Variants in APOBEC3C observed in about 807,000 individuals in gnomAD.
The protein encoded by APOBEC3C is DNA dC->dU-editing enzyme APOBEC-3C.
In APOBEC3C, 14 loss-of-function variants were observed where a neutral mutation model predicts 20.6. The ratio of observed to expected loss-of-function variants is 0.68; its 90% confidence interval spans 0.45 to 1.06. The LOEUF (loss-of-function observed/expected upper bound fraction) is 1.06. Among genes scored for constraint, APOBEC3C ranks in the 50% least tolerant of loss-of-function variants. The pLI is 0.00. For missense variants in APOBEC3C, 244 were observed against 241.9 expected (o/e 1.01, Z -0.06); for synonymous variants, 98 against 88.8 (o/e 1.10, Z -0.58).
chr22:39,015,858 T>C, intron 2 of APOBEC3C, 107 bp downstream of exon 2: 1 of 1,133,826 alleles, frequency 8.8e-7, no homozygotes, highest in Non-Finnish European at 1.2e-6. Flanking sequence ...TGTGTGCACT[T>C]TCCTGCCACA....
intron 2 of APOBEC3C, among the ~76,000 whole-genome samples, chr22:39,016,364 T>C (rs1302976495): frequency 1.4e-5 from 2 of 140,882 alleles, no homozygotes; most frequent in Admixed American, 7.5e-5. Flanking sequence ...CATGCCCAGC[T>C]AATTTTTTCT....
At chr22:39,015,460 A>G in intron 1 of APOBEC3C, 135 bp from the exon 2 acceptor site, 1 of 1,014,606 alleles carries the variant, frequency 9.9e-7, no homozygotes, top group Non-Finnish European at 1.4e-6. Context: ...AAAGCAGCAG[A>G]CATTCTCAGG....
Position 39,019,702 on chromosome 22 carries a change from CCTTCTGG to C in APOBEC3C, c.*1318_*1324del, listed in dbSNP as rs957033970. On this transcript the variant is annotated 3_prime_UTR_variant, in exon 4 of 4. Coordinates refer to ENST00000361441, the MANE Select transcript of APOBEC3C (RefSeq NM_014508.3). The stretch of plus-strand genomic sequence containing the variant: ...TGGGGTTGTTTCCTCTGAGGCCGCT[CCTTCTGG>C]CTGGCAGGGAGTCTCTTCCAGCCGT... 1.3e-5 allele frequency: 2 copies of C among 151,714 alleles called. No homozygotes were observed. Among genetic ancestry groups the C allele is most frequent in the Non-Finnish European group, 2.9e-5 (2 of 68,002 alleles). 9.4% of individuals were successfully genotyped at this position (151,714 alleles called of 1,614,324 possible). A position where few individuals can be genotyped will look rare whatever the true frequency, so the allele number is the denominator to read the frequency against.
Position 39,018,786 on chromosome 22 carries a change from A to G in APOBEC3C, c.*399A>G, listed in dbSNP as rs1424369350. ...CGCGTGAGCCCAGGAGTTCCAGACC[A>G]GGCTGGGTCACATGACAAAGCCCCA... On this transcript the variant is annotated 3_prime_UTR_variant, in exon 4 of 4. Transcript: ENST00000361441. The G allele has an allele frequency of 7.4e-6, 1 of 134,318 alleles. No individual in the cohort carries two copies. The highest frequency in any genetic ancestry group is 2.9e-5 in the African/African-American group (1 of 34,992). The allele number at this position is 134,318 out of a possible 1,614,324, so 8.3% of individuals were successfully genotyped here. A position where few individuals can be genotyped will look rare whatever the true frequency, so the allele number is the denominator to read the frequency against.
rs1257377580 is a variant in APOBEC3C at position 39,019,074 on chromosome 22, T to C, written c.*687T>C. 1 of 152,200 alleles carries C rather than the reference T, an allele frequency of 6.6e-6. No homozygotes were observed. Among genetic ancestry groups the C allele is most frequent in the Non-Finnish European group, 1.5e-5 (1 of 68,040 alleles). 9.4% of individuals were successfully genotyped at this position (152,200 alleles called of 1,614,324 possible). On this transcript the variant is annotated 3_prime_UTR_variant, in exon 4 of 4. Coordinates refer to ENST00000361441, the MANE Select transcript of APOBEC3C (RefSeq NM_014508.3). ...ACCCGAAGTTTTGAGAAACATCCTT[T>C]GTAAATTTCATCCTATGAATTGGGT...
rs976506861 is a variant in APOBEC3C, at chr22:39,018,369, A to G, written c.555A>G (p.Leu185=). ...ACTTTCGACTTCTGAAAAGAAGGCT[A>G]CGGGAGAGTCTCCAGTGAGGGGTCT... is the stretch of plus-strand genomic sequence containing the variant. The part of the protein sequence containing the change: ...KTNFRLLKRR[L]RESLQ The change falls in exon 4 of 4, where the codon CTA becomes CTG. Residue 185 remains leucine, a synonymous_variant. Coordinates refer to ENST00000361441, the MANE Select transcript of APOBEC3C (RefSeq NM_014508.3). 6.2e-7 allele frequency: 1 copy of G among 1,614,036 alleles called. No individual in the cohort carries two copies. Among genetic ancestry groups the G allele is most frequent in the East Asian group, 2.2e-5 (1 of 44,880 alleles).
In APOBEC3C at chr22:39,018,570, G is replaced by A; in HGVS notation, c.*183G>A. The A allele has an allele frequency of 4.6e-6, 3 of 650,678 alleles. No individual in the cohort carries two copies. Among genetic ancestry groups the A allele is most frequent in the Non-Finnish European group, 7.5e-6 (3 of 398,248 alleles). 40.3% of individuals were successfully genotyped at this position (650,678 alleles called of 1,614,324 possible). On this transcript the variant is annotated 3_prime_UTR_variant, in exon 4 of 4. Coordinates refer to ENST00000361441, the MANE Select transcript of APOBEC3C (RefSeq NM_014508.3). ...CTCCTCGCTCTTCCAGACTCTTCCT[G>A]CAGAGGCTCCTTTCTGCCTCCATGG... is the stretch of plus-strand genomic sequence containing the variant.
chr22:39,014,506 C>T (rs1379126672), intron 1 of APOBEC3C, 127 bp downstream of exon 1: 25 of 1,175,846 alleles, frequency 2.1e-5, no homozygotes, highest in Admixed American at 8.1e-5. Context: ...CTGGTTCCCC[C>T]GCTGCCCCCA....
intron 1 of APOBEC3C, among the ~76,000 whole-genome samples, chr22:39,014,939 G>T (rs2281106): frequency 0.2 from 30,096 of 152,004 alleles, 3,579 homozygotes; most frequent in Non-Finnish European, 0.27. Flanking sequence ...TGTGAGCACC[G>T]TTCACCTTTC....
chr22:39,019,796 A>ACC lies in APOBEC3C; in HGVS notation c.*1409_*1410insCC, dbSNP rs1924959797. ...TGGGATCTCTCTGCCTCCAAATATC[A>ACC]TCTTTTTTTTTTTTTTTTTTTTTTT... is the stretch of plus-strand genomic sequence containing the variant. On this transcript the variant is annotated 3_prime_UTR_variant, in exon 4 of 4. Coordinates refer to ENST00000361441, the MANE Select transcript of APOBEC3C (RefSeq NM_014508.3). The ACC allele has an allele frequency of 2.6e-5, 2 of 76,650 alleles. No individual in the cohort carries two copies. The highest frequency in any genetic ancestry group is 1.1e-4 in the African/African-American group (2 of 17,774). 4.7% of individuals were successfully genotyped at this position (76,650 alleles called of 1,614,324 possible).
At position 39,014,281 on chromosome 22, in the gene APOBEC3C, C is replaced by T; in HGVS notation, c.-82C>T. 2 of 1,580,958 alleles carry T rather than the reference C, an allele frequency of 1.3e-6. No homozygotes were observed. Among genetic ancestry groups the T allele is most frequent in the Non-Finnish European group, 1.7e-6 (2 of 1,150,280 alleles). On this transcript the variant is annotated 5_prime_UTR_variant, in exon 1 of 4. Transcript: ENST00000361441. ...CACTTTAAAGAGGGCTGCTCAACTG[C>T]AAGGACGCTGTAAGCAGGAAGAGAA... is the stretch of plus-strand genomic sequence containing the variant.
At chr22:39,015,172 G>T (rs549018171) in intron 1 of APOBEC3C, among the ~76,000 whole-genome samples, 1 of 151,980 alleles carries the variant, frequency 6.6e-6, no homozygotes, top group East Asian at 1.9e-4. Context: ...GCTGGCGGGC[G>T]TCTGTAATCC....
At chr22:39,016,709 C>T (rs566181893) in intron 2 of APOBEC3C, among the ~76,000 whole-genome samples, 33 of 152,070 alleles carry the variant, frequency 2.2e-4, no homozygotes, top group Non-Finnish European at 3.2e-4. Context: ...CTGTGGGAAG[C>T]GGGGGGTGTT....
At chr22:39,016,618 G>A (rs1021776112) in intron 2 of APOBEC3C, among the ~76,000 whole-genome samples, 4 of 151,998 alleles carry the variant, frequency 2.6e-5, no homozygotes, top group African/African-American at 4.8e-5. Context: ...CTTGTTTAGC[G>A]CCCAGCACCC....
At chr22:39,014,426 C>A in intron 1 of APOBEC3C, 47 bp downstream of exon 1, 1 of 1,613,106 alleles carries the variant, frequency 6.2e-7, no homozygotes, top group Non-Finnish European at 8.5e-7. Context: ...CCACTTCCTG[C>A]CAGGCGGTCC....
At chr22:39,017,181 G>A (rs1316139209) in intron 2 of APOBEC3C, among the ~76,000 whole-genome samples, 10 of 151,926 alleles carry the variant, frequency 6.6e-5, no homozygotes, top group Non-Finnish European at 1.2e-4. Flanking sequence ...GCAGTGAGCC[G>A]AGATTGTGCC....
chr22:39,014,485 C>CT, intron 1 of APOBEC3C, 106 bp downstream of exon 1: 1 of 1,345,106 alleles, frequency 7.4e-7, no homozygotes, highest in Non-Finnish European at 1.0e-6. Context: ...CACCTCTGGG[C>CT]TCCCTCCCCC....
chr22:39,018,229 C>T (rs1924874575), intron 3 of APOBEC3C, 40 bp from the exon 4 acceptor site: 4 of 1,598,390 alleles, frequency 2.5e-6, no homozygotes, highest in Non-Finnish European at 3.4e-6. Flanking sequence ...AGGAGAGAGG[C>T]CTGCTGGGCC....
Position 39,017,636 on chromosome 22 carries a change from T to A in APOBEC3C, c.175-130T>A, listed in dbSNP as rs73421844. 1,619 of 1,218,264 alleles carry A rather than the reference T, an allele frequency of 1.3e-3. 15 individuals carry two copies. In the African/African-American group the frequency reaches 0.021, roughly 16 times the overall value. 75.5% of individuals were successfully genotyped at this position (1,218,264 alleles called of 1,614,324 possible). ...TAACCTGTGCACCAGAGAGAGACCC[T>A]GTCTCAAAAATGAGTAAATAAGGAA... On this transcript the variant is annotated intron_variant, in intron 2 of 3. Coordinates refer to ENST00000361441, the MANE Select transcript of APOBEC3C (RefSeq NM_014508.3).
Sources: gnomAD v4.1 joint callset for allele counts (sites outside exome capture counted in the v4.1 genomes callset) on GRCh38, gnomAD v4.1.1 for gene constraint, MANE v1.5 for transcripts, NCBI Gene and HGNC (gene_info 2026-07-23, HGNC 2026-07-21) for gene names.